RNF121: variants seen among roughly 807,000 people sequenced by gnomAD.
RNF121 encodes ring finger protein 121.
A neutral mutation model predicts 46.5 loss-of-function variants in RNF121; 21 were observed. That is an observed-to-expected ratio of 0.45 (90% CI 0.32 to 0.65). RNF121 has a LOEUF of 0.65. Among genes scored for constraint, RNF121 ranks in the 30% least tolerant of loss-of-function variants. The pLI is 0.04. For synonymous variants in RNF121, 139 were observed against 144.7 expected, an observed-to-expected ratio of 0.96 and a Z score of 0.28; for missense variants, 346 against 416.0, an observed-to-expected ratio of 0.83 and a Z score of 1.46.
intron 1 of RNF121, among the ~76,000 whole-genome samples, chr11:71,956,539 G>A (rs567095051): frequency 6.6e-6 from 1 of 152,316 alleles, no homozygotes; most frequent in East Asian, 1.9e-4. Flanking sequence ...GAACTTTGAA[G>A]TCGGATGGCT....
chr11:71,978,605 G>A (rs1184700365), intron 3 of RNF121, among the ~76,000 whole-genome samples: 1 of 152,116 alleles, frequency 6.6e-6, no homozygotes, highest in Non-Finnish European at 1.5e-5. Flanking sequence ...TTTACTGAGC[G>A]CTTATTATGA....
intron 4 of RNF121, among the ~76,000 whole-genome samples, chr11:71,984,800 C>T (rs1412702798): frequency 7.6e-6 from 1 of 131,186 alleles, no homozygotes; most frequent in Non-Finnish European, 1.6e-5. Flanking sequence ...AGGGTTTCAC[C>T]ATGTTGGCCA....
chr11:71,977,582 T>C (rs1010396888), intron 3 of RNF121, among the ~76,000 whole-genome samples: 3 of 152,266 alleles, frequency 2.0e-5, no homozygotes, highest in African/African-American at 7.2e-5. Context: ...CAGTAAATGT[T>C]TGCTGAACGA....
chr11:71,934,849 G>C (rs1197952749), intron 1 of RNF121, among the ~76,000 whole-genome samples: 1 of 152,004 alleles, frequency 6.6e-6, no homozygotes, highest in East Asian at 1.9e-4. Context: ...AGGATTCTGA[G>C]GCCAGGGCTT....
chr11:71,971,874 T>G (rs1156246141), intron 3 of RNF121, among the ~76,000 whole-genome samples: 1 of 152,142 alleles, frequency 6.6e-6, no homozygotes, highest in Non-Finnish European at 1.5e-5. Flanking sequence ...CATTGCTGAG[T>G]CAGCGAATAT....
At chr11:71,995,997 A>T (rs1184107380) in intron 8 of RNF121, among the ~76,000 whole-genome samples, 198 bp from the exon 9 acceptor site, 1 of 152,050 alleles carries the variant, frequency 6.6e-6, no homozygotes, top group African/African-American at 2.4e-5. Context: ...GGCTGTGAGG[A>T]GGAAGAGGAG....
At chr11:71,964,700 C>A (rs879753215) in intron 3 of RNF121, among the ~76,000 whole-genome samples, 3 of 152,084 alleles carry the variant, frequency 2.0e-5, no homozygotes, top group Non-Finnish European at 4.4e-5. Context: ...GCTGGTCTCG[C>A]CCTCCTGAAC....
At chr11:71,988,926 G>A (rs987320385) in intron 5 of RNF121, among the ~76,000 whole-genome samples, 2 of 152,196 alleles carry the variant, frequency 1.3e-5, no homozygotes, top group African/African-American at 4.8e-5. Flanking sequence ...ACAGGCTCCT[G>A]AAGGGTTTAG....
chr11:71,930,210 G>A (rs7925604), intron 1 of RNF121, among the ~76,000 whole-genome samples: 140,661 of 152,194 alleles, frequency 0.92, 65,261 homozygotes, highest in Non-Finnish European at 0.98. Flanking sequence ...CAGCATATGG[G>A]CAAAGACATC....
At chr11:71,983,479 T>C (rs2134207364) in intron 4 of RNF121, among the ~76,000 whole-genome samples, 1 of 152,372 alleles carries the variant, frequency 6.6e-6, no homozygotes, top group Admixed American at 6.5e-5. Context: ...AATTTTCCAA[T>C]AAACAATACT....
intron 1 of RNF121, among the ~76,000 whole-genome samples, chr11:71,929,887 C>G (rs1302853821): frequency 1.3e-5 from 2 of 152,288 alleles, no homozygotes; most frequent in Admixed American, 1.3e-4. Context: ...TGCAACATTT[C>G]AGCTTGGGAT....
intron 1 of RNF121, among the ~76,000 whole-genome samples, chr11:71,939,738 C>G (rs544238808): frequency 6.6e-6 from 1 of 152,296 alleles, no homozygotes; most frequent in African/African-American, 2.4e-5. Flanking sequence ...TACACTATTG[C>G]TGGTATACAC....
chr11:71,978,138 C>T lies in RNF121; in HGVS notation c.244-4623C>T, dbSNP rs568209292. ...CTGGTCTCAAGCTCCTGGGCTCAAG[C>T]GATCCATCTGCCTCAGCCCCCCAAT... On this transcript the variant is annotated intron_variant, in intron 3 of 8. Coordinates refer to ENST00000361756, the MANE Select transcript of RNF121 (RefSeq NM_018320.5). 66 of 446,808 alleles carry T rather than the reference C, an allele frequency of 1.5e-4. 1 individual carries two copies. Among genetic ancestry groups the T allele is most frequent in the South Asian group, 1.0e-3 (65 of 63,992 alleles). 27.7% of individuals were successfully genotyped at this position (446,808 alleles called of 1,614,324 possible). A position where few individuals can be genotyped will look rare whatever the true frequency, so the allele number is the denominator to read the frequency against.
At chr11:71,937,689 T>C (rs1953453137) in intron 1 of RNF121, among the ~76,000 whole-genome samples, 1 of 152,232 alleles carries the variant, frequency 6.6e-6, no homozygotes. Flanking sequence ...TTTTTAGTCC[T>C]TGTCGTACCT....
At position 71,929,058 on chromosome 11, in the gene RNF121, G is replaced by C. The variant is rs113931068; in HGVS notation, c.-4G>C. 1 of 1,551,398 alleles carries C rather than the reference G, an allele frequency of 6.4e-7. No homozygotes were observed. On this transcript the variant is annotated 5_prime_UTR_variant, in exon 1 of 9. Coordinates refer to ENST00000361756, the MANE Select transcript of RNF121 (RefSeq NM_018320.5). ...GGACTGCGGTGAGGGGGCGAGCCGT[G>C]AAGATGGCGGCAGTGGTGGAGGTGG...
At chr11:71,933,857 C>G (rs1425714716) in intron 1 of RNF121, among the ~76,000 whole-genome samples, 1 of 152,134 alleles carries the variant, frequency 6.6e-6, no homozygotes. Context: ...TGATAGCTAC[C>G]ATTTACTGGA....
At chr11:71,976,253 G>C (rs560218387) in intron 3 of RNF121, among the ~76,000 whole-genome samples, 2 of 150,880 alleles carry the variant, frequency 1.3e-5, no homozygotes, top group African/African-American at 4.9e-5. Flanking sequence ...TCTTTGTATA[G>C]TGTGGCCCCA....
intron 6 of RNF121, 120 bp from the exon 7 acceptor site, chr11:71,994,597 ACT>A: frequency 8.9e-7 from 1 of 1,127,328 alleles, no homozygotes. Context: ...ATGTCCTCTA[ACT>A]CTGGGCCTCC....
At chr11:71,943,302 C>T (rs576149335) in intron 1 of RNF121, among the ~76,000 whole-genome samples, 46 of 152,294 alleles carry the variant, frequency 3.0e-4, no homozygotes, top group African/African-American at 1.1e-3. Flanking sequence ...TAAATGGCAT[C>T]ACCATGGTAC....
Sources: gnomAD v4.1 joint callset for allele counts (sites outside exome capture counted in the v4.1 genomes callset) on GRCh38, gnomAD v4.1.1 for gene constraint, MANE v1.5 for transcripts, NCBI Gene and HGNC (gene_info 2026-07-23, HGNC 2026-07-21) for gene names.